TBC1D9: variants seen among roughly 807,000 people sequenced by gnomAD.
TBC1D9 encodes the protein TBC1 domain family member 9A.
In TBC1D9, 63 loss-of-function variants were observed where a neutral mutation model predicts 132.0. That is an observed-to-expected ratio of 0.48 (90% CI 0.39 to 0.59). The LOEUF is 0.59. TBC1D9 is among the 20% of genes least tolerant of loss of function. The probability of loss-of-function intolerance (pLI) is 0.00; values close to 1 mark genes in which losing one functional copy is unlikely to be tolerated. For synonymous variants in TBC1D9, 610 were observed against 609.9 expected, an observed-to-expected ratio of 1.00 and a Z score of 0.00; for missense variants, 1,261 against 1,592.7, an observed-to-expected ratio of 0.79 and a Z score of 3.54.
In TBC1D9 at chr4:140,633,812, T is replaced by C. The variant is rs952089303; in HGVS notation, c.2746+136A>G. 1.7e-5 allele frequency: 17 copies of C among 1,027,678 alleles called. No homozygotes were observed. The East Asian group carries it at 3.8e-4, about 23-fold the overall frequency. The allele number at this position is 1,027,678 out of a possible 1,614,324, so 63.7% of individuals were successfully genotyped here. A position where few individuals can be genotyped will look rare whatever the true frequency, so the allele number is the denominator to read the frequency against. On this transcript the variant is annotated intron_variant, in intron 16 of 20. Coordinates refer to ENST00000442267, the MANE Select transcript of TBC1D9 (RefSeq NM_015130.3). ...GAGGCAACGATTTATCCATATACTATGTTCATGAAAAACACATTTTATAAT... is the reference window on the plus strand; with the variant it reads ...GAGGCAACGATTTATCCATATACTACGTTCATGAAAAACACATTTTATAAT...
chr4:140,649,188 A>G (rs1268854780), intron 13 of TBC1D9, among the ~76,000 whole-genome samples: 2 of 152,360 alleles, frequency 1.3e-5, no homozygotes, highest in Non-Finnish European at 2.9e-5. Context: ...ACAAAGCTCA[A>G]TGTAGGCCAG....
intron 1 of TBC1D9, among the ~76,000 whole-genome samples, chr4:140,725,887 G>A (rs1374394582): frequency 1.3e-5 from 2 of 152,090 alleles, no homozygotes; most frequent in East Asian, 1.9e-4. Flanking sequence ...ACCTAGAGTC[G>A]GTGATAATAG....
chr4:140,699,211 TTAAA>T (rs1387667561), intron 2 of TBC1D9, among the ~76,000 whole-genome samples: 1 of 152,026 alleles, frequency 6.6e-6, no homozygotes, highest in Non-Finnish European at 1.5e-5. Flanking sequence ...ACATAAATAA[TTAAA>T]TAAATAAATG....
intron 1 of TBC1D9, among the ~76,000 whole-genome samples, chr4:140,707,778 C>A (rs993333977): frequency 2.1e-4 from 32 of 152,142 alleles, no homozygotes; most frequent in African/African-American, 5.3e-4. Context: ...CTCATCCTGG[C>A]AAACTTCTAT....
rs549233519 is a variant in TBC1D9, at chr4:140,658,397, G to T, written c.1922-585C>A. Reference sequence around the variant, plus strand: ...GTAAACAGTTGTGTATCAAAACATAGAAATGATACAGTAAATATACAGTAT... The same window carrying T: ...GTAAACAGTTGTGTATCAAAACATATAAATGATACAGTAAATATACAGTAT... On this transcript the variant is annotated intron_variant, in intron 11 of 20. Coordinates refer to ENST00000442267, the MANE Select transcript of TBC1D9 (RefSeq NM_015130.3). Among the ~76,000 whole-genome samples the T allele has an allele frequency of 2.6e-5, 4 of 152,290 alleles. No individual in the cohort carries two copies. In the East Asian group the frequency reaches 7.7e-4, roughly 29 times the overall value.
Position 140,750,692 on chromosome 4 carries a change from C to T in TBC1D9, c.130+5224G>A, listed in dbSNP as rs140043248. Among the ~76,000 whole-genome samples the T allele has an allele frequency of 8.1e-4, 123 of 151,788 alleles. 1 individual carries two copies. The highest frequency in any genetic ancestry group is 3.4e-3 in the Middle Eastern group (1 of 294). On this transcript the variant is annotated intron_variant, in intron 1 of 20. Transcript: ENST00000442267. ...TGTTCATGGATCAGAAGACTTGATA[C>T]TATAAAGGTAAAAATTTTGCCCAAA...
At chr4:140,625,536 C>T (rs568481230) in intron 18 of TBC1D9, among the ~76,000 whole-genome samples, 159 of 152,220 alleles carry the variant, frequency 1.0e-3, no homozygotes, top group African/African-American at 3.7e-3. Context: ...TACTGTATTA[C>T]GTGTCAAATT....
intron 13 of TBC1D9, among the ~76,000 whole-genome samples, chr4:140,647,944 C>A (rs1463030092): frequency 6.6e-6 from 1 of 152,098 alleles, no homozygotes; most frequent in African/African-American, 2.4e-5. Flanking sequence ...CCTCCCCCGA[C>A]TTTGGGAGGG....
At chr4:140,645,372 C>T (rs1217139570) in intron 13 of TBC1D9, 7 of 471,030 alleles carry the variant, frequency 1.5e-5, no homozygotes, top group South Asian at 6.1e-5. Flanking sequence ...AGGCGGGTGT[C>T]GCACTTCTGC....
intron 9 of TBC1D9, 83 bp from the exon 10 acceptor site, chr4:140,662,190 C>A: frequency 9.3e-7 from 1 of 1,073,280 alleles, no homozygotes. Context: ...GATTGAACTG[C>A]TTTACTTTCC....
At chr4:140,656,237 G>T (rs1053911136) in intron 13 of TBC1D9, among the ~76,000 whole-genome samples, 4 of 152,166 alleles carry the variant, frequency 2.6e-5, no homozygotes, top group African/African-American at 9.7e-5. Context: ...TAAAACTCAT[G>T]TTGAAAATTA....
intron 9 of TBC1D9, among the ~76,000 whole-genome samples, 180 bp downstream of exon 9, chr4:140,668,737 G>A (rs1340081017): frequency 6.6e-6 from 1 of 152,228 alleles, no homozygotes; most frequent in Admixed American, 6.5e-5. Flanking sequence ...GGGTCCTATA[G>A]TTTTACAAAG....
intron 1 of TBC1D9, among the ~76,000 whole-genome samples, chr4:140,703,304 T>A (rs62346947): frequency 0.44 from 66,682 of 152,004 alleles, 16,774 homozygotes; most frequent in African/African-American, 0.69. Flanking sequence ...CAGTACCTCA[T>A]GTTATTTTGT....
intron 3 of TBC1D9, among the ~76,000 whole-genome samples, chr4:140,684,314 T>C (rs571507711): frequency 6.6e-6 from 1 of 152,114 alleles, no homozygotes; most frequent in Non-Finnish European, 1.5e-5. Context: ...GTGTTTGGAT[T>C]ATGGTTGCAT....
chr4:140,692,761 T>A (rs1737895522), intron 2 of TBC1D9, among the ~76,000 whole-genome samples: 1 of 152,180 alleles, frequency 6.6e-6, no homozygotes, highest in African/African-American at 2.4e-5. Flanking sequence ...GGCTCACACC[T>A]GTAATCCCAG....
At chr4:140,735,058 C>T (rs1738651764) in intron 1 of TBC1D9, among the ~76,000 whole-genome samples, 1 of 152,146 alleles carries the variant, frequency 6.6e-6, no homozygotes, top group Non-Finnish European at 1.5e-5. Context: ...ATATAATTTA[C>T]AATGAAAGAT....
At chr4:140,641,090 C>CAA (rs35813378) in intron 13 of TBC1D9, among the ~76,000 whole-genome samples, 1,294 of 34,564 alleles carry the variant, frequency 0.037, 60 homozygotes, top group African/African-American at 0.076. Context: ...TAATACTAAG[C>CAA]AAAAAAAAAA....
chr4:140,648,027 CCAT>C, intron 13 of TBC1D9, among the ~76,000 whole-genome samples: 1 of 152,276 alleles, frequency 6.6e-6, no homozygotes, highest in Non-Finnish European at 1.5e-5. Flanking sequence ...CCAACACTTC[CCAT>C]TACCCAAAAC....
At chr4:140,685,648 A>T (rs1737767434) in intron 3 of TBC1D9, among the ~76,000 whole-genome samples, 1 of 152,218 alleles carries the variant, frequency 6.6e-6, no homozygotes, top group African/African-American at 2.4e-5. Context: ...TAATGAAATT[A>T]ATTAGAATAT....
Sources: allele counts gnomAD v4.1 joint callset (sites outside exome capture counted in the v4.1 genomes callset), GRCh38; gene constraint gnomAD v4.1.1; transcripts MANE v1.5; gene names NCBI Gene and HGNC (gene_info 2026-07-23, HGNC 2026-07-21).